PTHLH: variants seen among roughly 807,000 people sequenced by gnomAD.
PTHLH encodes the protein parathyroid hormone-related protein.
PTHLH carries 5 observed loss-of-function variants against 18.6 expected under a neutral mutation model. The ratio of observed to expected loss-of-function variants is 0.27; its 90% confidence interval spans 0.14 to 0.56. The LOEUF (loss-of-function observed/expected upper bound fraction) is 0.56. Among genes scored for constraint, PTHLH ranks in the 20% least tolerant of loss-of-function variants. The pLI, the probability that PTHLH is intolerant of heterozygous loss-of-function variation, is 0.92. For missense variants in PTHLH, 207 were observed against 223.9 expected (o/e 0.92, Z 0.48); for synonymous variants, 90 against 94.0 (o/e 0.96, Z 0.25).
In PTHLH at chr12:27,969,436, A is replaced by G; in HGVS notation, c.59T>C (p.Val20Ala). The change falls in exon 4 of 6, where the codon GTG becomes GCG. Residue 20 changes from valine (V) to alanine (A), a missense_variant. Val to Ala is a moderately conservative substitution (Grantham distance 64). Transcript: ENST00000545234. ...SVAVFLLSYA[V>A]PSCGRSVEGL... ...CTCCACCGAGCGCCCGCAGGAGGGC[A>G]CCGCGTAGCTCAGCAGGAACACCGC... The G allele has an allele frequency of 1.3e-6, 2 of 1,595,720 alleles. No homozygotes were observed. Among genetic ancestry groups the G allele is most frequent in the South Asian group, 2.3e-5 (2 of 88,470 alleles).
At chr12:27,970,763 G>A (rs2062865166) in intron 2 of PTHLH, among the ~76,000 whole-genome samples, 3 of 152,130 alleles carry the variant, frequency 2.0e-5, no homozygotes, top group Admixed American at 2.0e-4. Context: ...GCGGGCAACC[G>A]GGAGCCTGCG....
chr12:27,963,613 T>G lies in PTHLH; in HGVS notation c.259A>C (p.Asn87His). The G allele has an allele frequency of 6.2e-7, 1 of 1,614,128 alleles. No homozygotes were observed. The highest frequency in any genetic ancestry group is 1.1e-5 in the South Asian group (1 of 91,078). Reference sequence around the variant, plus strand: ...AATCGGACGGGGTGGTTCTTTGTGTTGGGAGAGGGCTTGGAGTTAGGGGAC... The same window carrying G: ...AATCGGACGGGGTGGTTCTTTGTGTGGGGAGAGGGCTTGGAGTTAGGGGAC... ...EVSPNSKPSP[N>H]TKNHPVRFGS... Residue 87 changes from asparagine to histidine, a missense_variant, in exon 5 of 6, where the codon AAC (asparagine) becomes CAC (histidine). Asn to His is a moderately conservative substitution (Grantham distance 68). Transcript: ENST00000545234.
chr12:27,970,460 TC>T (rs2120679004), intron 2 of PTHLH, 193 bp from the exon 3 acceptor site: 1 of 150,418 alleles, frequency 6.6e-6, no homozygotes, highest in South Asian at 2.1e-4. Flanking sequence ...GCGGCGGAGC[TC>T]CCCCCTCCCG....
At position 27,963,302 on chromosome 12, in the gene PTHLH, AGCTGAGAGCACCCC is replaced by A. The variant is rs1242344452; in HGVS notation, c.524+32_524+45del. 1.9e-6 allele frequency: 3 copies of A among 1,614,094 alleles called. No homozygotes were observed. In the South Asian group the frequency reaches 3.3e-5, roughly 18 times the overall value. On this transcript the variant is annotated intron_variant, in intron 5 of 5. Coordinates refer to ENST00000545234, the MANE Select transcript of PTHLH (RefSeq NM_198965.2). ...AGGCAGAAGGGAGGCTCCAAAACCCAGCTGAGAGCACCCCGCTGAGGCTACGGGCCAGAGAAGCC... is the reference window on the plus strand; with the variant it reads ...AGGCAGAAGGGAGGCTCCAAAACCCAGCTGAGGCTACGGGCCAGAGAAGCC...
intron 3 of PTHLH, 143 bp downstream of exon 3, chr12:27,969,882 C>T: frequency 3.8e-6 from 2 of 523,262 alleles, no homozygotes; most frequent in Non-Finnish European, 7.6e-6. Flanking sequence ...CAGCAGTTCT[C>T]CTGGGTTCGT....
intron 4 of PTHLH, among the ~76,000 whole-genome samples, chr12:27,967,461 A>G (rs537997822): frequency 6.6e-6 from 1 of 152,316 alleles, no homozygotes; most frequent in East Asian, 1.9e-4. Flanking sequence ...TGGTTTGATT[A>G]TATGTTAAAA....
chr12:27,968,659 T>G (rs1262833903), intron 4 of PTHLH, among the ~76,000 whole-genome samples: 1 of 152,204 alleles, frequency 6.6e-6, no homozygotes, highest in Non-Finnish European at 1.5e-5. Flanking sequence ...GAAGTTATCA[T>G]TAAAAGAATC....
intron 5 of PTHLH, among the ~76,000 whole-genome samples, chr12:27,961,320 T>TAC (rs1555124130): frequency 1.4e-4 from 14 of 100,872 alleles, no homozygotes; most frequent in African/African-American, 2.8e-4. Flanking sequence ...TATATATATA[T>TAC]ACGTATATAT....
chr12:27,969,580 G>A, intron 3 of PTHLH, 64 bp from the exon 4 acceptor site: 2 of 1,331,486 alleles, frequency 1.5e-6, no homozygotes, highest in Non-Finnish European at 1.0e-6. Flanking sequence ...GCACTACTCC[G>A]CTCCCCCTTT....
rs146780360 is a variant in PTHLH at position 27,963,103 on chromosome 12, C to T, written c.524+245G>A. On this transcript the variant is annotated intron_variant, in intron 5 of 5. Transcript: ENST00000545234. ...GTGGTAAAGGATTGATGTTGGGTGACGGTGGAGAAAGAGGAATGGGCTCTA... is the reference window on the plus strand; with the variant it reads ...GTGGTAAAGGATTGATGTTGGGTGATGGTGGAGAAAGAGGAATGGGCTCTA... The T allele has an allele frequency of 4.2e-3, 5,906 of 1,401,320 alleles. 19 individuals carry two copies. The highest frequency in any genetic ancestry group is 9.1e-3 in the Admixed American group (310 of 33,990). The allele number at this position is 1,401,320 out of a possible 1,614,324, so 86.8% of individuals were successfully genotyped here.
chr12:27,963,193 C>A, intron 5 of PTHLH, 155 bp downstream of exon 5: 1 of 1,523,446 alleles, frequency 6.6e-7, no homozygotes, highest in Non-Finnish European at 8.8e-7. Flanking sequence ...TTAAGGCAGA[C>A]AATATTCTGA....
Position 27,969,535 on chromosome 12 carries a change from G to T in PTHLH, c.-22-19C>A. ...TCGGGACCTGCAACAGAAGGGAATG[G>T]GACCCGAGTGTCAGTCTGGACTCTC... On this transcript the variant is annotated intron_variant, in intron 3 of 5. Coordinates refer to ENST00000545234, the MANE Select transcript of PTHLH (RefSeq NM_198965.2). 2 of 1,533,660 alleles carry T rather than the reference G, an allele frequency of 1.3e-6. No individual in the cohort carries two copies.
chr12:27,961,010 G>T (rs2062748461), intron 5 of PTHLH, among the ~76,000 whole-genome samples: 1 of 151,742 alleles, frequency 6.6e-6, no homozygotes, highest in African/African-American at 2.4e-5. Flanking sequence ...CCAACATTTG[G>T]CTGCCAAACA....
intron 4 of PTHLH, among the ~76,000 whole-genome samples, chr12:27,967,090 C>T (rs2062821315): frequency 6.6e-6 from 1 of 152,206 alleles, no homozygotes; most frequent in Admixed American, 6.5e-5. Flanking sequence ...GGAATAGACC[C>T]AGTCTGGCTC....
intron 3 of PTHLH, 63 bp from the exon 4 acceptor site, chr12:27,969,579 C>T: frequency 7.5e-7 from 1 of 1,332,552 alleles, no homozygotes. Context: ...CGCACTACTC[C>T]GCTCCCCCTT....
rs748432222 is a variant in PTHLH at position 27,963,790 on chromosome 12, A to T, written c.102-20T>A. 6.2e-7 allele frequency: 1 copy of T among 1,612,278 alleles called. No individual in the cohort carries two copies. Among genetic ancestry groups the T allele is most frequent in the South Asian group, 1.1e-5 (1 of 90,980 alleles). ...CTTTTGCTTTGAAAGAAAATATTAG[A>T]GGGGAAGAAAACAGTTAAATTTTAG... is the stretch of plus-strand genomic sequence containing the variant. On this transcript the variant is annotated intron_variant, in intron 4 of 5. Coordinates refer to ENST00000545234, the MANE Select transcript of PTHLH (RefSeq NM_198965.2).
intron 5 of PTHLH, among the ~76,000 whole-genome samples, chr12:27,961,307 A>ATATACG (rs1316280843): frequency 4.6e-4 from 29 of 63,228 alleles, no homozygotes; most frequent in African/African-American, 1.5e-3. Context: ...ATACGTATAT[A>ATATACG]TATATATATA....
intron 5 of PTHLH, among the ~76,000 whole-genome samples, chr12:27,959,947 A>G (rs1053293934): frequency 6.6e-6 from 1 of 152,222 alleles, no homozygotes; most frequent in Non-Finnish European, 1.5e-5. Flanking sequence ...AATTGAGTAT[A>G]AGAATAACAC....
intron 4 of PTHLH, among the ~76,000 whole-genome samples, chr12:27,966,290 G>C (rs1017963066): frequency 6.6e-6 from 1 of 152,170 alleles, no homozygotes; most frequent in Non-Finnish European, 1.5e-5. Flanking sequence ...CATTGCTTAC[G>C]AGGGACAAAG....
Sources: allele counts gnomAD v4.1 joint callset (sites outside exome capture counted in the v4.1 genomes callset), GRCh38; gene constraint gnomAD v4.1.1; transcripts MANE v1.5; gene names NCBI Gene and HGNC (gene_info 2026-07-23, HGNC 2026-07-21).